The following XKR4 variants were observed in gnomAD, a reference collection of about 807,000 sequenced individuals.
The protein encoded by XKR4 is XK related 4.
A neutral mutation model predicts 53.9 loss-of-function variants in XKR4; 12 were observed. The observed-to-expected ratio is 0.22, with a 90% CI of 0.14 to 0.36. The LOEUF (loss-of-function observed/expected upper bound fraction) is 0.36, where lower values mean the gene tolerates loss of function less well. Among genes scored for constraint, XKR4 ranks in the 10% least tolerant of loss-of-function variants. XKR4 has a pLI of 1.00. For synonymous variants in XKR4, 354 were observed against 362.4 expected (o/e 0.98, Z 0.26); for missense variants, 799 against 859.5 (o/e 0.93, Z 0.88).
At chr8:55,190,599 C>T (rs1195123007) in intron 1 of XKR4, among the ~76,000 whole-genome samples, 1 of 152,116 alleles carries the variant, frequency 6.6e-6, no homozygotes, top group Non-Finnish European at 1.5e-5. Context: ...TCTATGATCA[C>T]TTAACTTTAG....
At chr8:55,218,496 T>A (rs565619499) in intron 1 of XKR4, among the ~76,000 whole-genome samples, 1 of 152,252 alleles carries the variant, frequency 6.6e-6, no homozygotes, top group East Asian at 1.9e-4. Context: ...GTGATAAAAA[T>A]AAACAAAAAT....
At chr8:55,295,952 C>T (rs908516441) in intron 1 of XKR4, among the ~76,000 whole-genome samples, 8 of 152,136 alleles carry the variant, frequency 5.3e-5, no homozygotes, top group Non-Finnish European at 1.0e-4. Context: ...GATAGTATTT[C>T]ATAGACTAAC....
At chr8:55,376,092 G>A (rs530703791) in intron 2 of XKR4, among the ~76,000 whole-genome samples, 2 of 152,146 alleles carry the variant, frequency 1.3e-5, no homozygotes, top group Non-Finnish European at 2.9e-5. Flanking sequence ...GTATTACATG[G>A]TGTGTATGTA....
At chr8:55,341,371 A>G (rs1007221822) in intron 1 of XKR4, among the ~76,000 whole-genome samples, 2 of 152,134 alleles carry the variant, frequency 1.3e-5, no homozygotes, top group East Asian at 1.9e-4. Flanking sequence ...CTCCCAGGGC[A>G]TTGGCTCTCC....
intron 1 of XKR4, among the ~76,000 whole-genome samples, chr8:55,235,583 C>A (rs1818108130): frequency 6.6e-6 from 1 of 152,164 alleles, no homozygotes. Context: ...GGCAAAGAAT[C>A]ATTTGCAGGT....
At chr8:55,240,799 T>C (rs7462747) in intron 1 of XKR4, among the ~76,000 whole-genome samples, 5 of 152,330 alleles carry the variant, frequency 3.3e-5, no homozygotes, top group African/African-American at 1.2e-4. Flanking sequence ...TTTTCCAAGA[T>C]ACATGTGACT....
chr8:55,495,852 G>A (rs868025824), intron 2 of XKR4, among the ~76,000 whole-genome samples: 7 of 152,196 alleles, frequency 4.6e-5, no homozygotes, highest in South Asian at 2.1e-4. Flanking sequence ...TGCAGCTGGT[G>A]GCCACTCCAG....
intron 2 of XKR4, among the ~76,000 whole-genome samples, chr8:55,364,438 G>A (rs1803944680): frequency 6.6e-6 from 1 of 152,164 alleles, no homozygotes; most frequent in Non-Finnish European, 1.5e-5. Context: ...TCTGTAGCGT[G>A]TTCTCCCCGA....
rs993370426 is a variant in XKR4 at position 55,354,470 on chromosome 8, G to C, written c.807-3208G>C. On this transcript the variant is annotated intron_variant, in intron 1 of 2. Coordinates refer to ENST00000327381, the MANE Select transcript of XKR4 (RefSeq NM_052898.2). ...ATGAGAGAGAATGTCCAAATAAAAG[G>C]GGGGAGGAGCAGAGGCAGCTGATAG... 9.2e-5 allele frequency among the ~76,000 whole-genome samples: 14 copies of C among 152,152 alleles called. No homozygotes were observed. In the South Asian group the frequency reaches 2.3e-3, roughly 25 times the overall value.
At chr8:55,462,964 G>A (rs1805687440) in intron 2 of XKR4, among the ~76,000 whole-genome samples, 1 of 152,128 alleles carries the variant, frequency 6.6e-6, no homozygotes, top group South Asian at 2.1e-4. Context: ...GGAGCACCCA[G>A]ATTCATAAAG....
At chr8:55,322,863 TTCTATTG>T (rs1803234907) in intron 1 of XKR4, among the ~76,000 whole-genome samples, 1 of 152,216 alleles carries the variant, frequency 6.6e-6, no homozygotes, top group African/African-American at 2.4e-5. Flanking sequence ...CAACTCTGTT[TTCTATTG>T]TCAATATTTA....
intron 1 of XKR4, among the ~76,000 whole-genome samples, chr8:55,338,533 G>A (rs1476069413): frequency 1.3e-5 from 2 of 152,186 alleles, no homozygotes; most frequent in Non-Finnish European, 2.9e-5. Context: ...CCTGGTCAAG[G>A]GGTGCCCCAT....
chr8:55,409,484 A>G (rs1418929967), intron 2 of XKR4, among the ~76,000 whole-genome samples: 1 of 152,212 alleles, frequency 6.6e-6, no homozygotes, highest in Non-Finnish European at 1.5e-5. Context: ...AGCTTGTTGT[A>G]AGAATCTGTA....
chr8:55,339,030 A>G (rs1355776519), intron 1 of XKR4, among the ~76,000 whole-genome samples: 1 of 152,210 alleles, frequency 6.6e-6, no homozygotes, highest in Non-Finnish European at 1.5e-5. Context: ...TCAGAATGAA[A>G]TAGTATATCA....
At chr8:55,463,401 G>A (rs1361671288) in intron 2 of XKR4, among the ~76,000 whole-genome samples, 19 of 151,350 alleles carry the variant, frequency 1.3e-4, no homozygotes, top group Admixed American at 1.3e-3. Flanking sequence ...AATGAAGGCA[G>A]AAATAAAGAT....
intron 2 of XKR4, among the ~76,000 whole-genome samples, chr8:55,487,175 C>T (rs544199347): frequency 3.0e-4 from 46 of 152,312 alleles, no homozygotes; most frequent in African/African-American, 1.0e-3. Flanking sequence ...GGCCAAAAGC[C>T]TCTGGACCTG....
At chr8:55,139,527 A>AAAAAAAAAAAAAAAAGG in intron 1 of XKR4, among the ~76,000 whole-genome samples, 1 of 151,254 alleles carries the variant, frequency 6.6e-6, no homozygotes. Flanking sequence ...AAAAAAAAAA[A>AAAAAAAAAAAAAAAAGG]GAGTGCTGGC....
At chr8:55,144,457 T>A (rs1233716288) in intron 1 of XKR4, among the ~76,000 whole-genome samples, 1 of 152,104 alleles carries the variant, frequency 6.6e-6, no homozygotes, top group Non-Finnish European at 1.5e-5. Flanking sequence ...AAAACCCATT[T>A]AAAGAGAGCC....
At chr8:55,431,656 A>G (rs1294220443) in intron 2 of XKR4, among the ~76,000 whole-genome samples, 1 of 152,210 alleles carries the variant, frequency 6.6e-6, no homozygotes. Context: ...TCAATTTCTC[A>G]GGGTATTTGA....
Sources: gnomAD v4.1 joint callset for allele counts (sites outside exome capture counted in the v4.1 genomes callset) on GRCh38, gnomAD v4.1.1 for gene constraint, MANE v1.5 for transcripts, NCBI Gene and HGNC (gene_info 2026-07-23, HGNC 2026-07-21) for gene names.